The following GALNT9 variants were observed in gnomAD, a reference collection of about 807,000 sequenced individuals.
GALNT9 encodes polypeptide N-acetylgalactosaminyltransferase 9.
A neutral mutation model predicts 63.1 loss-of-function variants in GALNT9; 47 were observed. The ratio of observed to expected loss-of-function variants is 0.75; its 90% CI spans 0.59 to 0.95. GALNT9 has a LOEUF of 0.95. GALNT9 is among the 40% of genes least tolerant of loss of function. GALNT9 has a pLI of 0.00. For missense variants in GALNT9, 829 were observed against 874.8 expected, an observed-to-expected ratio of 0.95 and a Z score of 0.66; for synonymous variants, 396 against 365.7, an observed-to-expected ratio of 1.08 and a Z score of -0.94.
intron 5 of GALNT9, among the ~76,000 whole-genome samples, chr12:132,254,663 G>A (rs1045416105): frequency 2.0e-5 from 3 of 152,238 alleles, no homozygotes; most frequent in Non-Finnish European, 4.4e-5. Flanking sequence ...GGTCAGGCAG[G>A]TAAAGTACAA....
chr12:132,239,367 G>C lies in GALNT9; in HGVS notation c.1077+8543C>G, dbSNP rs2136896882. Among the ~76,000 whole-genome samples the C allele has an allele frequency of 4.0e-5, 6 of 150,252 alleles. No homozygotes were observed. The East Asian group carries it at 9.8e-4, about 25-fold the overall frequency. On this transcript the variant is annotated intron_variant, in intron 6 of 10. Coordinates refer to ENST00000328957, the MANE Select transcript of GALNT9 (RefSeq NM_001122636.2). Reference sequence around the variant, plus strand: ...AGACAGAGTCAGAGACAGAGAGAGAGACACACAGAGACAGAGACACAGAGA... The same window carrying C: ...AGACAGAGTCAGAGACAGAGAGAGACACACACAGAGACAGAGACACAGAGA...
Position 132,196,527 on chromosome 12 carries a change from T to G in GALNT9, c.*580A>C. ...CAGTGCTGCTGCCTAATCCTCTCTT[T>G]ATTTGGTCTCTGCTGAAGCAGTCGT... On this transcript the variant is annotated 3_prime_UTR_variant, in exon 11 of 11. Coordinates refer to ENST00000328957, the MANE Select transcript of GALNT9 (RefSeq NM_001122636.2). 1.0e-6 allele frequency: 1 copy of G among 985,726 alleles called. No individual in the cohort carries two copies. The highest frequency in any genetic ancestry group is 4.7e-5 in the South Asian group (1 of 21,304). The allele number at this position is 985,726 out of a possible 1,614,324, so 61.1% of individuals were successfully genotyped here.
At chr12:132,281,228 G>A (rs1402523655) in intron 2 of GALNT9, among the ~76,000 whole-genome samples, 8 of 152,230 alleles carry the variant, frequency 5.3e-5, no homozygotes, top group African/African-American at 1.7e-4. Flanking sequence ...TAAGTGGTAC[G>A]CTTGTGAGGG....
rs771000279 is a variant in GALNT9, at chr12:132,282,438, CGT to C, written c.419+3810_419+3811del. Among the ~76,000 whole-genome samples, 1 of 152,172 alleles carries C rather than the reference CGT, an allele frequency of 6.6e-6. No homozygotes were observed. Among genetic ancestry groups the C allele is most frequent in the Admixed American group, 6.5e-5 (1 of 15,294 alleles). ...GTGTGTGTGCGTGTGTGCGTGCATG[CGT>C]GTGTGTGCGTGTGCATGTGTGTGTG... On this transcript the variant is annotated intron_variant, in intron 2 of 10. Coordinates refer to ENST00000328957, the MANE Select transcript of GALNT9 (RefSeq NM_001122636.2). This position sits in a 1 kb window ranked among gnomAD's most constrained non-coding sequence, Gnocchi z 4.5.
At position 132,243,462 on chromosome 12, in the gene GALNT9, G is replaced by C. The variant is rs139948634; in HGVS notation, c.1077+4448C>G. Among the ~76,000 whole-genome samples the C allele has an allele frequency of 6.4e-3, 653 of 102,138 alleles. 17 individuals carry two copies. Among genetic ancestry groups the C allele is most frequent in the Non-Finnish European group, 0.01 (483 of 48,032 alleles). 67.0% of individuals were successfully genotyped at this position (102,138 alleles called of 152,430 possible). A position where few individuals can be genotyped will look rare whatever the true frequency, so the allele number is the denominator to read the frequency against. On this transcript the variant is annotated intron_variant, in intron 6 of 10. Transcript: ENST00000328957. Reference sequence around the variant, plus strand: ...TCTCTCTCTGGTGGGGGCCCCACCTGGCCGACCTGAAGGTCAGGGCATCCA... The same window carrying C: ...TCTCTCTCTGGTGGGGGCCCCACCTCGCCGACCTGAAGGTCAGGGCATCCA...
rs901323776 is a variant in GALNT9 at position 132,245,579 on chromosome 12, C to T, written c.1077+2331G>A. Among the ~76,000 whole-genome samples the T allele has an allele frequency of 6.6e-6, 1 of 151,334 alleles. No homozygotes were observed. The highest frequency in any genetic ancestry group is 6.6e-5 in the Admixed American group (1 of 15,222). On this transcript the variant is annotated intron_variant, in intron 6 of 10. Transcript: ENST00000328957. This position sits in a 1 kb window ranked among gnomAD's most constrained non-coding sequence, Gnocchi z 6.3. ...CGCCCAGCCAGGGCCCTCCGTGGTC[C>T]GGCACCCACACCCCCAGCCCAGCCT...
intron 6 of GALNT9, among the ~76,000 whole-genome samples, chr12:132,233,242 C>G (rs1229520900): frequency 6.5e-4 from 8 of 12,376 alleles, no homozygotes; most frequent in South Asian, 8.1e-3. Context: ...GATGGGGCGA[C>G]AGAGGAGACA....
At chr12:132,291,369 G>T (rs868972328) in intron 1 of GALNT9, among the ~76,000 whole-genome samples, 1 of 30,664 alleles carries the variant, frequency 3.3e-5, no homozygotes, top group Non-Finnish European at 6.1e-5. Context: ...CAGCACCCAC[G>T]TCCACAGCAC....
At position 132,230,187 on chromosome 12, in the gene GALNT9, C is replaced by G. The variant is rs1877838808; in HGVS notation, c.1077+17723G>C. Among the ~76,000 whole-genome samples the G allele has an allele frequency of 2.6e-5, 4 of 152,274 alleles. No individual in the cohort carries two copies. The South Asian group carries it at 6.2e-4, about 24-fold the overall frequency. ...GGCCGCGCACAGCCACCTGCCCCAG[C>G]TGAACCCTCCGGAGTCCACGCACCC... On this transcript the variant is annotated intron_variant, in intron 6 of 10. Transcript: ENST00000328957.
chr12:132,222,128 C>G (rs1258359672), intron 6 of GALNT9, among the ~76,000 whole-genome samples: 1 of 152,134 alleles, frequency 6.6e-6, no homozygotes, highest in African/African-American at 2.4e-5. Flanking sequence ...CATCTTAAAA[C>G]CTGATAAAGA....
chr12:132,262,275 C>T (rs1879418021), intron 3 of GALNT9, among the ~76,000 whole-genome samples, 184 bp downstream of exon 3: 1 of 152,172 alleles, frequency 6.6e-6, no homozygotes, highest in Non-Finnish European at 1.5e-5. Context: ...ACACTGGGGA[C>T]AGCACGTACG....
In GALNT9 at chr12:132,249,953, C is replaced by T. The variant is rs1013808225; in HGVS notation, c.960-1926G>A. On this transcript the variant is annotated intron_variant, in intron 5 of 10. Coordinates refer to ENST00000328957, the MANE Select transcript of GALNT9 (RefSeq NM_001122636.2). ...TCCTGCCTGCTGGAGCTGCTCTGCC[C>T]GATGCCCGCACCTGCCCTCCAGTTC... 2.6e-5 allele frequency among the ~76,000 whole-genome samples: 4 copies of T among 152,226 alleles called. No homozygotes were observed. In the South Asian group the frequency reaches 6.2e-4, roughly 24 times the overall value.
At chr12:132,259,793 C>A (rs1879294369) in intron 4 of GALNT9, among the ~76,000 whole-genome samples, 1 of 152,246 alleles carries the variant, frequency 6.6e-6, no homozygotes. Flanking sequence ...CCCACCAAGG[C>A]CCCCTGCAGT....
chr12:132,208,390 C>T (rs1057339768), intron 6 of GALNT9, among the ~76,000 whole-genome samples: 90 of 152,356 alleles, frequency 5.9e-4, no homozygotes, highest in African/African-American at 1.9e-3. Flanking sequence ...AAGCTGGACT[C>T]GCCTTCTGGC....
At chr12:132,257,940 G>C in intron 4 of GALNT9, 54 bp from the exon 5 acceptor site, 1 of 1,279,382 alleles carries the variant, frequency 7.8e-7, no homozygotes, top group Non-Finnish European at 1.1e-6. Context: ...CATTCCCTGA[G>C]GAGGGTCCAC....
intron 6 of GALNT9, among the ~76,000 whole-genome samples, chr12:132,242,040 T>C (rs1878411667): frequency 1.9e-4 from 3 of 15,870 alleles, no homozygotes; most frequent in Non-Finnish European, 1.2e-4. Flanking sequence ...CCCGGGGCCC[T>C]CCCTATACCC....
At chr12:132,281,302 C>T (rs1409755684) in intron 2 of GALNT9, among the ~76,000 whole-genome samples, 5 of 152,122 alleles carry the variant, frequency 3.3e-5, no homozygotes, top group Admixed American at 6.5e-5. Context: ...CCAGGCTGGG[C>T]GTGGAGCCTC....
Position 132,198,853 on chromosome 12 carries a change from C to T in GALNT9, c.1497+321G>A, listed in dbSNP as rs533060370. On this transcript the variant is annotated intron_variant, in intron 9 of 10. Coordinates refer to ENST00000328957, the MANE Select transcript of GALNT9 (RefSeq NM_001122636.2). ...TTTTTGTAGCGACAGGGTTTCGCCA[C>T]GCTGCCCAGACTGGTCTCAATTCCT... 5.4e-4 allele frequency among the ~76,000 whole-genome samples: 82 copies of T among 152,256 alleles called. No individual in the cohort carries two copies. In the South Asian group the frequency reaches 7.7e-3, roughly 14 times the overall value.
chr12:132,263,812 G>C (rs1879497114), intron 2 of GALNT9, among the ~76,000 whole-genome samples: 1 of 152,210 alleles, frequency 6.6e-6, no homozygotes, highest in Non-Finnish European at 1.5e-5. Context: ...ACTCACGCCT[G>C]CCCCCTACGC....
Sources: gnomAD v4.1 joint callset for allele counts (sites outside exome capture counted in the v4.1 genomes callset) on GRCh38, gnomAD v4.1.1 for gene constraint, Gnocchi (gnomAD v3.1) non-coding constraint, MANE v1.5 for transcripts, NCBI Gene and HGNC (gene_info 2026-07-23, HGNC 2026-07-21) for gene names.